Variants in RGS6 observed in about 807,000 individuals in gnomAD.
RGS6 encodes the protein regulator of G protein signaling 6, also known as regulator of G-protein signaling 6.
RGS6 carries 30 observed loss-of-function variants against 78.5 expected under a neutral mutation model. That is an observed-to-expected ratio of 0.38 (90% confidence interval 0.29 to 0.52). RGS6 has a LOEUF of 0.52. Ranked by LOEUF, RGS6 falls within the 20% of genes least tolerant of loss-of-function variation. The pLI is 0.85. For missense variants in RGS6, 495 were observed against 609.7 expected, an observed-to-expected ratio of 0.81 and a Z score of 1.98; for synonymous variants, 206 against 206.0, an observed-to-expected ratio of 1.00 and a Z score of 0.00.
rs117502296 is a variant in RGS6 at position 72,007,344 on chromosome 14, A to G, written c.84+42469A>G. On this transcript the variant is annotated intron_variant, in intron 2 of 17. Coordinates refer to ENST00000553525, the MANE Select transcript of RGS6 (RefSeq NM_001204424.2). ...AAATTCAGGGCACTTTTAGGAAAAC[A>G]AGGTCCAAACATTAAGCCAAGGATG... Among the ~76,000 whole-genome samples, 760 of 152,304 alleles carry G rather than the reference A, an allele frequency of 5.0e-3. 25 individuals are homozygous for G. Among genetic ancestry groups the G allele is most frequent in the Admixed American group, 0.04 (610 of 15,302 alleles).
chr14:72,221,424 A>C (rs2046842005), intron 2 of RGS6, among the ~76,000 whole-genome samples: 1 of 152,124 alleles, frequency 6.6e-6, no homozygotes, highest in African/African-American at 2.4e-5. Context: ...CCTAAAAAAA[A>C]GTTTTGGTAT....
At chr14:72,468,632 C>T (rs555974512) in intron 7 of RGS6, among the ~76,000 whole-genome samples, 1 of 152,242 alleles carries the variant, frequency 6.6e-6, no homozygotes, top group South Asian at 2.1e-4. Flanking sequence ...AGAATCATAA[C>T]ATAAACATTC....
intron 2 of RGS6, among the ~76,000 whole-genome samples, chr14:72,069,156 A>T (rs1175757178): frequency 1.3e-5 from 2 of 151,922 alleles, no homozygotes; most frequent in Admixed American, 1.3e-4. Context: ...TATTTTTAGT[A>T]GAGATGGGGT....
chr14:72,458,281 A>G lies in RGS6; in HGVS notation c.246A>G (p.Ile82Met). The G allele has an allele frequency of 6.2e-7, 1 of 1,613,442 alleles. No individual in the cohort carries two copies. The highest frequency in any genetic ancestry group is 1.7e-5 in the Admixed American group (1 of 59,998). The change falls in exon 5 of 18, where the codon ATA (isoleucine) becomes ATG (methionine). Residue 82 changes from isoleucine to methionine, a missense_variant. Physicochemically the swap from Ile to Met is conservative, Grantham distance 10. Coordinates refer to ENST00000553525, the MANE Select transcript of RGS6 (RefSeq NM_001204424.2). ...GCACTGTTCTTACAGTTGAAGCAAT[A>G]CACTTGGGGAGCCTTATCGCTGCCC... ...NLSIEDPVEA[I>M]HLGSLIAAQG...
chr14:72,061,483 A>T (rs1343737521), intron 2 of RGS6, among the ~76,000 whole-genome samples: 1 of 152,158 alleles, frequency 6.6e-6, no homozygotes, highest in Non-Finnish European at 1.5e-5. Flanking sequence ...TTATTTAGCC[A>T]CATTACTGAA....
In RGS6 at chr14:72,243,218, GATAA is replaced by G. The variant is rs558380577; in HGVS notation, c.85-108873_85-108870del. 1.3e-3 allele frequency among the ~76,000 whole-genome samples: 205 copies of G among 152,236 alleles called. 1 individual carries two copies. The highest frequency in any genetic ancestry group is 4.5e-3 in the African/African-American group (187 of 41,534). On this transcript the variant is annotated intron_variant, in intron 2 of 17. Transcript: ENST00000553525. ...ACAACTTCTGAGTTACACTATTTTG[GATAA>G]ATAGTCATAAATATCAGAAATTGAA...
chr14:72,628,510 C>T, the RGS6 span, among the ~76,000 whole-genome samples: 1 of 152,084 alleles, frequency 6.6e-6, no homozygotes, highest in African/African-American at 2.4e-5. Context: ...TATTTTGCAA[C>T]CCCTAACAAA....
Position 72,518,410 on chromosome 14 carries a change from T to C in RGS6, c.1151T>C (p.Val384Ala), listed in dbSNP as rs1054072494. The change falls in exon 15 of 18, where the codon GTA becomes GCA. Residue 384 changes from valine to alanine, a missense_variant. Physicochemically the swap from Val to Ala is moderately conservative, Grantham distance 64. Coordinates refer to ENST00000553525, the MANE Select transcript of RGS6 (RefSeq NM_001204424.2). ...CCCCTACAGGATGTGGCCAAGAGGG[T>C]AGAAGAAATCTGGCAAGAGTTTCTG... ...KQPLQDVAKR[V>A]EEIWQEFLAP... 6.2e-7 allele frequency: 1 copy of C among 1,614,162 alleles called. No homozygotes were observed. The highest frequency in any genetic ancestry group is 8.5e-7 in the Non-Finnish European group (1 of 1,180,020).
chr14:72,331,448 G>C (rs1454333050), intron 2 of RGS6, among the ~76,000 whole-genome samples: 2 of 152,100 alleles, frequency 1.3e-5, no homozygotes, highest in African/African-American at 4.8e-5. Context: ...TATTATAGAG[G>C]GTGGAATATG....
intron 3 of RGS6, among the ~76,000 whole-genome samples, chr14:72,452,808 A>T (rs561585928): frequency 6.6e-6 from 1 of 152,390 alleles, no homozygotes; most frequent in South Asian, 2.1e-4. Flanking sequence ...GCAAAGGTAG[A>T]TTGACCAGAA....
chr14:72,609,838 C>T, the RGS6 span, among the ~76,000 whole-genome samples: 1 of 152,176 alleles, frequency 6.6e-6, no homozygotes, highest in Non-Finnish European at 1.5e-5. Flanking sequence ...TAGCCCTTTT[C>T]TGTAACCTCA....
intron 2 of RGS6, among the ~76,000 whole-genome samples, chr14:72,232,853 A>G (rs1261959915): frequency 6.6e-6 from 1 of 152,198 alleles, no homozygotes; most frequent in African/African-American, 2.4e-5. Flanking sequence ...GGATGCCAGA[A>G]CATGGGATTG....
chr14:71,947,342 T>C (rs1344518973), intron 1 of RGS6, among the ~76,000 whole-genome samples: 6 of 152,302 alleles, frequency 3.9e-5, no homozygotes, highest in Admixed American at 2.0e-4. Context: ...TGCCAAAGCA[T>C]ATGCTGCCAA....
chr14:71,963,169 G>A (rs1451146264), intron 1 of RGS6, among the ~76,000 whole-genome samples: 1 of 152,138 alleles, frequency 6.6e-6, no homozygotes, highest in Non-Finnish European at 1.5e-5. Flanking sequence ...TGTTTGGTAT[G>A]TTTGTTTTAA....
At chr14:71,907,103 G>A in the RGS6 span, among the ~76,000 whole-genome samples, 1 of 152,202 alleles carries the variant, frequency 6.6e-6, no homozygotes, top group Non-Finnish European at 1.5e-5. Context: ...TGCCAGACAT[G>A]GTATTGGATG....
intron 15 of RGS6, among the ~76,000 whole-genome samples, chr14:72,533,625 G>T (rs75975874): frequency 2.0e-5 from 3 of 152,146 alleles, no homozygotes; most frequent in Non-Finnish European, 4.4e-5. Context: ...TTTGTGTTTC[G>T]TGGAAAGAAG....
At chr14:72,568,433 C>A (rs1314277425), downstream of RGS6, among the ~76,000 whole-genome samples, 2 of 152,182 alleles carry the variant, frequency 1.3e-5, no homozygotes, top group Non-Finnish European at 2.9e-5. Context: ...ACTTCCCTGG[C>A]AGCCTGGCCC....
At chr14:71,939,027 G>A (rs2090051181) in intron 1 of RGS6, among the ~76,000 whole-genome samples, 2 of 152,318 alleles carry the variant, frequency 1.3e-5, no homozygotes, top group Middle Eastern at 3.4e-3. Context: ...AAGTGGCAGA[G>A]CAGCTTGCAT....
At chr14:72,149,626 C>G (rs984399052) in intron 2 of RGS6, among the ~76,000 whole-genome samples, 4 of 152,032 alleles carry the variant, frequency 2.6e-5, no homozygotes, top group Non-Finnish European at 4.4e-5. Context: ...AATCTGGAAA[C>G]AAATTGTCAG....
Sources: allele counts gnomAD v4.1 joint callset (sites outside exome capture counted in the v4.1 genomes callset), GRCh38; gene constraint gnomAD v4.1.1; transcripts MANE v1.5; gene names NCBI Gene and HGNC (gene_info 2026-07-23, HGNC 2026-07-21).